The following CNTN5 variants were observed in gnomAD, a reference collection of about 807,000 sequenced individuals.
CNTN5 encodes contactin 5.
CNTN5 carries 77 observed loss-of-function variants against 129.1 expected under a neutral mutation model. The ratio of observed to expected loss-of-function variants is 0.60; its 90% CI spans 0.50 to 0.72. CNTN5 has a LOEUF of 0.72. Among genes scored for constraint, CNTN5 ranks in the 30% least tolerant of loss-of-function variants. The pLI is 0.00. For missense variants in CNTN5, 1,478 were observed against 1,328.8 expected (o/e 1.11, Z -1.75); for synonymous variants, 509 against 465.6 (o/e 1.09, Z -1.20).
At chr11:99,874,359 A>G (rs924414444) in intron 6 of CNTN5, among the ~76,000 whole-genome samples, 4 of 152,132 alleles carry the variant, frequency 2.6e-5, no homozygotes, top group African/African-American at 9.7e-5. Context: ...TTAGACACAC[A>G]TGGTTTAGAG....
chr11:99,139,740 C>A (rs1859421956), intron 1 of CNTN5, among the ~76,000 whole-genome samples: 2 of 152,122 alleles, frequency 1.3e-5, no homozygotes, highest in South Asian at 4.2e-4. Context: ...TATTTGGCAG[C>A]TTTGATGTAC....
At chr11:100,006,193 A>T (rs1204048269) in intron 9 of CNTN5, among the ~76,000 whole-genome samples, 1 of 152,160 alleles carries the variant, frequency 6.6e-6, no homozygotes, top group African/African-American at 2.4e-5. Flanking sequence ...AAAATTGCTC[A>T]TGCTGATATA....
At chr11:99,033,859 G>T (rs1393703226) in intron 1 of CNTN5, among the ~76,000 whole-genome samples, 1 of 151,470 alleles carries the variant, frequency 6.6e-6, no homozygotes, top group Non-Finnish European at 1.5e-5. Flanking sequence ...TTTTCAAAGG[G>T]AATGCTTCCA....
chr11:99,820,466 G>A (rs1375497544), intron 4 of CNTN5, among the ~76,000 whole-genome samples: 1 of 152,306 alleles, frequency 6.6e-6, no homozygotes, highest in Non-Finnish European at 1.5e-5. Flanking sequence ...TAAGATATCA[G>A]TTAAATTAAA....
At chr11:100,061,991 T>G (rs1943503071) in intron 10 of CNTN5, among the ~76,000 whole-genome samples, 1 of 152,254 alleles carries the variant, frequency 6.6e-6, no homozygotes, top group African/African-American at 2.4e-5. Context: ...TGCAAGTGTT[T>G]ATATTGTCCA....
chr11:99,975,365 C>G (rs942313072), intron 8 of CNTN5, among the ~76,000 whole-genome samples: 2 of 152,058 alleles, frequency 1.3e-5, no homozygotes, highest in Non-Finnish European at 2.9e-5. Context: ...CCAATTTCTC[C>G]CTTTTGGAAA....
chr11:99,683,693 T>A (rs1457154300), intron 3 of CNTN5, among the ~76,000 whole-genome samples: 1 of 151,878 alleles, frequency 6.6e-6, no homozygotes. Context: ...TGGGAGTACA[T>A]TGAGTCTATA....
chr11:99,218,499 G>A (rs897084209), intron 1 of CNTN5, among the ~76,000 whole-genome samples: 3 of 152,042 alleles, frequency 2.0e-5, no homozygotes, highest in African/African-American at 4.8e-5. Flanking sequence ...TTGTCCAAAC[G>A]AGGACACTTT....
chr11:99,906,899 A>C (rs1949522000), intron 6 of CNTN5, among the ~76,000 whole-genome samples: 2 of 151,166 alleles, frequency 1.3e-5, no homozygotes, highest in South Asian at 4.2e-4. Flanking sequence ...CAGATTTTCT[A>C]GTTTATTTGC....
chr11:99,458,958 C>A (rs1440443501), intron 2 of CNTN5, among the ~76,000 whole-genome samples: 1 of 151,934 alleles, frequency 6.6e-6, no homozygotes, highest in Non-Finnish European at 1.5e-5. Flanking sequence ...GAATAATGAA[C>A]CTAGAGAGCT....
intron 1 of CNTN5, among the ~76,000 whole-genome samples, chr11:99,255,659 T>C (rs867494814): frequency 2.0e-5 from 3 of 151,596 alleles, no homozygotes; most frequent in African/African-American, 7.3e-5. Context: ...AAAGAGCTAG[T>C]TTCTAATTTG....
At chr11:100,199,717 GTATTA>G (rs1346736355) in intron 15 of CNTN5, among the ~76,000 whole-genome samples, 2 of 151,618 alleles carry the variant, frequency 1.3e-5, no homozygotes, top group East Asian at 3.9e-4. Flanking sequence ...CTTTTTTTTG[GTATTA>G]TATATGTTTG....
intron 3 of CNTN5, among the ~76,000 whole-genome samples, chr11:99,606,442 T>A (rs1357687368): frequency 1.4e-5 from 2 of 144,466 alleles, no homozygotes; most frequent in East Asian, 2.0e-4. Flanking sequence ...TCAAGGAAAT[T>A]AAAGAGGACA....
chr11:99,165,213 A>C (rs1241566066), intron 1 of CNTN5, among the ~76,000 whole-genome samples: 2 of 152,218 alleles, frequency 1.3e-5, no homozygotes, highest in African/African-American at 4.8e-5. Flanking sequence ...TAAACCATTA[A>C]TAAGGATTCA....
intron 3 of CNTN5, among the ~76,000 whole-genome samples, chr11:99,703,076 GTCAACT>G (rs1424809895): frequency 6.6e-6 from 1 of 150,782 alleles, no homozygotes; most frequent in Non-Finnish European, 1.5e-5. Flanking sequence ...AAATGAAAAT[GTCAACT>G]TCAAGCACTA....
At position 99,562,033 on chromosome 11, in the gene CNTN5, T is replaced by C. The variant is rs115249216; in HGVS notation, c.55+5764T>C. The stretch of plus-strand genomic sequence containing the variant: ...AAAACTGCAGACACAGGACTGGCTC[T>C]GAGAAGTTGCCCTTTTGTAAGAAAA... On this transcript the variant is annotated intron_variant, in intron 3 of 24. Coordinates refer to ENST00000524871, the MANE Select transcript of CNTN5 (RefSeq NM_014361.4). Among the ~76,000 whole-genome samples the C allele has an allele frequency of 2.4e-3, 372 of 152,296 alleles. 3 individuals carry two copies. The highest frequency in any genetic ancestry group is 8.4e-3 in the African/African-American group (351 of 41,572).
intron 9 of CNTN5, among the ~76,000 whole-genome samples, chr11:100,037,646 T>C (rs1169464303): frequency 2.6e-5 from 4 of 152,136 alleles, no homozygotes; most frequent in African/African-American, 9.7e-5. Context: ...CAATTTCAGC[T>C]CCTGTTGTTG....
At chr11:100,286,137 G>A (rs2138839763) in intron 18 of CNTN5, among the ~76,000 whole-genome samples, 1 of 152,302 alleles carries the variant, frequency 6.6e-6, no homozygotes, top group Middle Eastern at 3.4e-3. Flanking sequence ...TGCTAGCACA[G>A]CAGTCTGAGA....
intron 1 of CNTN5, among the ~76,000 whole-genome samples, chr11:99,247,455 T>C (rs1318759374): frequency 6.8e-6 from 1 of 148,096 alleles, no homozygotes; most frequent in African/African-American, 2.6e-5. Context: ...ACATTTCTTT[T>C]ATTATTATTA....
Sources: allele counts gnomAD v4.1 joint callset (sites outside exome capture counted in the v4.1 genomes callset), GRCh38; gene constraint gnomAD v4.1.1; transcripts MANE v1.5; gene names NCBI Gene and HGNC (gene_info 2026-07-23, HGNC 2026-07-21).